The following FTO variants were observed in gnomAD, a reference collection of about 807,000 sequenced individuals.
The protein encoded by FTO is alpha-ketoglutarate-dependent dioxygenase FTO.
In FTO, 47 loss-of-function variants were observed where a neutral mutation model predicts 63.9. That is an observed-to-expected ratio of 0.74 (90% CI 0.58 to 0.94). FTO has a LOEUF of 0.94. Ranked by LOEUF, FTO falls within the 40% of genes least tolerant of loss-of-function variation. The pLI is 0.00. For synonymous variants in FTO, 207 were observed against 224.4 expected, an observed-to-expected ratio of 0.92 and a Z score of 0.69; for missense variants, 562 against 618.1, an observed-to-expected ratio of 0.91 and a Z score of 0.96.
chr16:53,880,105 C>A (rs1386746966), intron 6 of FTO, 118 bp downstream of exon 6: 2 of 733,480 alleles, frequency 2.7e-6, no homozygotes, highest in Admixed American at 2.2e-5. Context: ...AGTGATCCTC[C>A]TGTCTCAAGC....
intron 7 of FTO, among the ~76,000 whole-genome samples, chr16:53,890,553 A>T (rs1448171356): frequency 2.6e-5 from 4 of 152,230 alleles, no homozygotes; most frequent in Admixed American, 1.3e-4. Flanking sequence ...CTTGCTTTCC[A>T]GACATCTCAA....
At chr16:53,823,013 G>T (rs189045263) in intron 2 of FTO, among the ~76,000 whole-genome samples, 7 of 152,224 alleles carry the variant, frequency 4.6e-5, no homozygotes, top group Admixed American at 2.6e-4. Context: ...TTTATCAAAA[G>T]CTCCATTTTT....
At chr16:54,101,873 A>C (rs556515860) in intron 8 of FTO, among the ~76,000 whole-genome samples, 1 of 152,194 alleles carries the variant, frequency 6.6e-6, no homozygotes, top group South Asian at 2.1e-4. Context: ...GTGTGAGATG[A>C]TATCTCATTG....
At chr16:54,065,351 A>G (rs2085699814) in intron 8 of FTO, among the ~76,000 whole-genome samples, 1 of 151,756 alleles carries the variant, frequency 6.6e-6, no homozygotes. Flanking sequence ...TTTTTTAGGA[A>G]TGGGGTCTTA....
At chr16:53,770,820 T>C (rs910954829) in intron 1 of FTO, among the ~76,000 whole-genome samples, 3 of 152,162 alleles carry the variant, frequency 2.0e-5, no homozygotes, top group Non-Finnish European at 4.4e-5. Flanking sequence ...TTGGTCTGCC[T>C]TCTGAGTCAT....
intron 8 of FTO, among the ~76,000 whole-genome samples, chr16:54,035,752 C>T (rs2084929756): frequency 1.3e-5 from 2 of 152,288 alleles, no homozygotes; most frequent in South Asian, 4.1e-4. Flanking sequence ...CAAGAATATT[C>T]TTCAGGTTTG....
intron 4 of FTO, among the ~76,000 whole-genome samples, chr16:53,867,575 C>T (rs1426273769): frequency 4.6e-5 from 7 of 151,224 alleles, no homozygotes; most frequent in African/African-American, 1.7e-4. Context: ...GTAATGATAA[C>T]ATTCTCTTAA....
At chr16:53,885,380 CAT>C (rs149168672) in intron 6 of FTO, among the ~76,000 whole-genome samples, 357 of 152,128 alleles carry the variant, frequency 2.3e-3, no homozygotes, top group Middle Eastern at 0.014. Flanking sequence ...AAAGTCAGGT[CAT>C]GGAGTTGAAT....
chr16:53,790,744 G>A (rs1203127026), intron 1 of FTO, among the ~76,000 whole-genome samples: 2 of 152,128 alleles, frequency 1.3e-5, no homozygotes, highest in Non-Finnish European at 2.9e-5. Flanking sequence ...ATGGAGATGA[G>A]GACTTCAGAG....
chr16:53,992,124 A>G (rs1465892503), intron 8 of FTO: 3 of 149,808 alleles, frequency 2.0e-5, no homozygotes, highest in East Asian at 3.9e-4. Flanking sequence ...TCTGTCCTCC[A>G]TGAGACCAGG....
intron 8 of FTO, among the ~76,000 whole-genome samples, chr16:54,007,552 T>C (rs1225766655): frequency 6.6e-6 from 1 of 152,228 alleles, no homozygotes; most frequent in African/African-American, 2.4e-5. Flanking sequence ...ATTATTGCTA[T>C]CATTAGTTAC....
At chr16:53,788,631 T>C (rs1483294346) in intron 1 of FTO, among the ~76,000 whole-genome samples, 2 of 151,682 alleles carry the variant, frequency 1.3e-5, no homozygotes, top group African/African-American at 4.8e-5. Context: ...AAAATTGACC[T>C]TTTTCATGCC....
At chr16:53,975,353 A>T (rs1209461928) in intron 8 of FTO, among the ~76,000 whole-genome samples, 1 of 152,022 alleles carries the variant, frequency 6.6e-6, no homozygotes, top group African/African-American at 2.4e-5. Context: ...TTTTATGCTA[A>T]TTTCTCCATT....
chr16:54,063,028 C>T (rs755978975), intron 8 of FTO, among the ~76,000 whole-genome samples: 15 of 152,102 alleles, frequency 9.9e-5, no homozygotes, highest in Middle Eastern at 3.2e-3. Flanking sequence ...GCCTTGTTTC[C>T]GAGAGGGTGT....
chr16:53,992,998 G>A lies in FTO; in HGVS notation c.1364+58889G>A, dbSNP rs987772960. 20 of 152,232 alleles carry A rather than the reference G, an allele frequency of 1.3e-4. No individual in the cohort carries two copies. In the East Asian group the frequency reaches 2.5e-3, roughly 19 times the overall value. The allele number at this position is 152,232 out of a possible 1,614,324, so 9.4% of individuals were successfully genotyped here. On this transcript the variant is annotated intron_variant, in intron 8 of 8. Coordinates refer to ENST00000471389, the MANE Select transcript of FTO (RefSeq NM_001080432.3). ...CTAGGACTGTAGTAAGATTTGACCC[G>A]GCTTAGCCTGGGAATTTTGACCCAC...
intron 6 of FTO, among the ~76,000 whole-genome samples, chr16:53,888,433 T>TTTTAAAAATAAAAATA (rs1283533485): frequency 3.1e-4 from 47 of 151,272 alleles, no homozygotes; most frequent in East Asian, 1.2e-3. Context: ...GCCAATTTAT[T>TTTTAAAAATAAAAATA]AGTAGCTTGG....
chr16:53,792,061 GC>G (rs1257134229), intron 1 of FTO, among the ~76,000 whole-genome samples: 3 of 144,786 alleles, frequency 2.1e-5, no homozygotes, highest in Non-Finnish European at 4.5e-5. Context: ...GGGCCACAGA[GC>G]GAGACTTCGT....
intron 1 of FTO, among the ~76,000 whole-genome samples, chr16:53,726,139 G>A (rs1324047401): frequency 6.6e-6 from 1 of 151,114 alleles, no homozygotes; most frequent in African/African-American, 2.4e-5. Context: ...GTCATATACT[G>A]GACTCTGAAT....
chr16:53,730,962 TTTAAATGAATAAATTC>T, intron 1 of FTO, among the ~76,000 whole-genome samples: 1 of 152,206 alleles, frequency 6.6e-6, no homozygotes, highest in South Asian at 2.1e-4. Context: ...TATGTGCATT[TTTAAATGAATAAATTC>T]CTAGAAACAG....
Sources: gnomAD v4.1 joint callset for allele counts (sites outside exome capture counted in the v4.1 genomes callset) on GRCh38, gnomAD v4.1.1 for gene constraint, MANE v1.5 for transcripts, NCBI Gene and HGNC (gene_info 2026-07-23, HGNC 2026-07-21) for gene names.